IL7: variants seen among roughly 807,000 people sequenced by gnomAD.
IL7 encodes the protein interleukin 7.
IL7 carries 3 observed loss-of-function variants against 21.6 expected under a neutral mutation model. That is an observed-to-expected ratio of 0.14 (90% confidence interval 0.06 to 0.36). IL7 has a LOEUF of 0.36. Among genes scored for constraint, IL7 ranks in the 10% least tolerant of loss-of-function variants. IL7 has a pLI of 1.00. For missense variants in IL7, 175 were observed against 200.2 expected (o/e 0.87, Z 0.76); for synonymous variants, 62 against 68.1 (o/e 0.91, Z 0.44).
intron 2 of IL7, among the ~76,000 whole-genome samples, chr8:78,752,770 ATGTGTGATGTTCCCCTCCC>A (rs1812217890): frequency 1.3e-5 from 2 of 151,822 alleles, no homozygotes. Context: ...ACAGGCCCCA[ATGTGTGATGTTCCCCTCCC>A]TGTGCCAATA....
At chr8:78,760,977 C>A in intron 2 of IL7, 1 of 1,587,628 alleles carries the variant, frequency 6.3e-7, no homozygotes, top group South Asian at 1.2e-5. Flanking sequence ...TTAAGAACAA[C>A]AATAGTAACA....
intron 2 of IL7, among the ~76,000 whole-genome samples, chr8:78,781,649 A>AT (rs1261733118): frequency 6.6e-6 from 1 of 151,520 alleles, no homozygotes; most frequent in South Asian, 2.1e-4. Context: ...TGCCCTTAAT[A>AT]TTTTTTTCCT....
intron 3 of IL7, among the ~76,000 whole-genome samples, chr8:78,690,443 C>G (rs938286827): frequency 1.3e-5 from 2 of 151,842 alleles, no homozygotes; most frequent in African/African-American, 4.8e-5. Context: ...GCCTGTAGTC[C>G]CAGCTACTTG....
chr8:78,692,963 T>C (rs1040226052), intron 3 of IL7, among the ~76,000 whole-genome samples: 161 of 152,046 alleles, frequency 1.1e-3, no homozygotes, highest in Non-Finnish European at 1.6e-3. Flanking sequence ...TTCCCACCTA[T>C]GAGTGAGAAC....
intron 2 of IL7, among the ~76,000 whole-genome samples, chr8:78,778,947 G>C (rs1030834279): frequency 6.6e-6 from 1 of 151,974 alleles, no homozygotes; most frequent in African/African-American, 2.4e-5. Flanking sequence ...TTCTCCCTGA[G>C]AGGTCTTCAC....
chr8:78,706,792 G>C (rs991294206), intron 3 of IL7, among the ~76,000 whole-genome samples: 1 of 152,056 alleles, frequency 6.6e-6, no homozygotes, highest in Non-Finnish European at 1.5e-5. Context: ...TCTGTCAAAT[G>C]ATAGTAACTA....
downstream of IL7, among the ~76,000 whole-genome samples, chr8:78,729,221 T>C (rs1405664244): frequency 1.3e-5 from 2 of 152,094 alleles, no homozygotes; most frequent in African/African-American, 4.8e-5. Context: ...ATCTTTCTGA[T>C]GTTCTCCCCA....
At chr8:78,778,382 A>G (rs1424494029) in intron 2 of IL7, among the ~76,000 whole-genome samples, 1 of 152,132 alleles carries the variant, frequency 6.6e-6, no homozygotes, top group African/African-American at 2.4e-5. Flanking sequence ...CTGAGTCACT[A>G]GAGTTCTTGA....
intron 3 of IL7, among the ~76,000 whole-genome samples, chr8:78,693,051 G>A (rs1283782136): frequency 6.6e-6 from 1 of 151,926 alleles, no homozygotes; most frequent in Admixed American, 6.6e-5. Flanking sequence ...TCCCTACAAA[G>A]GACATGAACT....
intron 3 of IL7, chr8:78,711,931 C>A: frequency 1.8e-6 from 2 of 1,097,520 alleles, no homozygotes; most frequent in Non-Finnish European, 2.4e-6. Context: ...TTTAAAAAAA[C>A]TTTATATAAA....
chr8:78,744,586 T>G (rs1400590672), intron 2 of IL7, among the ~76,000 whole-genome samples: 1 of 152,166 alleles, frequency 6.6e-6, no homozygotes, highest in African/African-American at 2.4e-5. Flanking sequence ...ACCATGGAAG[T>G]AGGGCCTACA....
At chr8:78,677,575 T>C (rs546464741) in intron 4 of IL7, among the ~76,000 whole-genome samples, 46 of 152,272 alleles carry the variant, frequency 3.0e-4, no homozygotes, top group South Asian at 2.1e-3. Flanking sequence ...TACATTAACT[T>C]TTGTAATCCT....
chr8:78,789,417 A>T (rs763448075), intron 2 of IL7, among the ~76,000 whole-genome samples: 1 of 152,170 alleles, frequency 6.6e-6, no homozygotes, highest in Non-Finnish European at 1.5e-5. Flanking sequence ...TTATTTAAAC[A>T]TTGTCCATTT....
At chr8:78,678,729 G>A (rs199497628) in intron 4 of IL7, 21 of 1,273,308 alleles carry the variant, frequency 1.6e-5, no homozygotes, top group Non-Finnish European at 2.1e-5. Flanking sequence ...TATGTATGTT[G>A]AAAAATATTA....
At chr8:78,736,111 AAACT>A (rs1406851850) in intron 5 of IL7, among the ~76,000 whole-genome samples, 2 of 151,548 alleles carry the variant, frequency 1.3e-5, no homozygotes, top group African/African-American at 2.4e-5. Flanking sequence ...ATTTCTTTAC[AAACT>A]AACAGGGATG....
At chr8:78,783,316 A>G (rs1230041443) in intron 2 of IL7, among the ~76,000 whole-genome samples, 1 of 152,194 alleles carries the variant, frequency 6.6e-6, no homozygotes, top group Non-Finnish European at 1.5e-5. Context: ...AGGATGGCCA[A>G]TCACTCACTG....
downstream of IL7, chr8:78,717,565 A>G: frequency 6.9e-7 from 1 of 1,451,040 alleles, no homozygotes; most frequent in Non-Finnish European, 9.2e-7. Context: ...GCTAGAGCAC[A>G]TCCTCTAGTT....
rs372333873 is a variant in IL7, at chr8:78,780,128, C to A, written c.147+17944G>T. Among the ~76,000 whole-genome samples the A allele has an allele frequency of 7.2e-5, 11 of 151,952 alleles. 1 individual carries two copies. In the East Asian group the frequency reaches 9.7e-4, roughly 13 times the overall value. ...TGTATATTTGATTCTTCTCCCTTTTCTTCTTTATTAGTCTAACTAGCAGTC... is the reference window on the plus strand; with the variant it reads ...TGTATATTTGATTCTTCTCCCTTTTATTCTTTATTAGTCTAACTAGCAGTC... On this transcript the variant is annotated intron_variant, in intron 2 of 5. Coordinates refer to ENST00000263851, the MANE Select transcript of IL7 (RefSeq NM_000880.4).
chr8:78,759,417 GAA>G (rs41308477), intron 2 of IL7, among the ~76,000 whole-genome samples: 1 of 147,584 alleles, frequency 6.8e-6, no homozygotes, highest in African/African-American at 2.5e-5. Context: ...AAAAAAGACA[GAA>G]AAAAAAAACC....
Sources: gnomAD v4.1 joint callset for allele counts (sites outside exome capture counted in the v4.1 genomes callset) on GRCh38, gnomAD v4.1.1 for gene constraint, MANE v1.5 for transcripts, NCBI Gene and HGNC (gene_info 2026-07-23, HGNC 2026-07-21) for gene names.